Variants in PHF8 observed in about 807,000 individuals in gnomAD.
The protein encoded by PHF8 is histone lysine demethylase PHF8.
In PHF8, 9 loss-of-function variants were observed where a neutral mutation model predicts 74.4. The ratio of observed to expected loss-of-function variants is 0.12; its 90% CI spans 0.07 to 0.21. PHF8 has a LOEUF of 0.21. Ranked by LOEUF, PHF8 falls within the 10% of genes least tolerant of loss-of-function variation. PHF8 has a pLI of 1.00. For synonymous variants in PHF8, 311 were observed against 316.6 expected (o/e 0.98, Z 0.19); for missense variants, 478 against 816.6 (o/e 0.59, Z 5.05).
chrX:53,971,394 C>T (rs1169293448), intron 18 of PHF8, among the ~76,000 whole-genome samples: 1 of 110,736 alleles, frequency 9.0e-6, no homozygotes, highest in African/African-American at 3.3e-5. Flanking sequence ...AGAAAGATCT[C>T]AAAATTCACA....
At chrX:53,979,181 G>A (rs1230989291) in intron 18 of PHF8, among the ~76,000 whole-genome samples, 1 of 111,843 alleles carries the variant, frequency 8.9e-6, no homozygotes, top group African/African-American at 3.2e-5. Context: ...AGGAGTTTGA[G>A]ACCAGCCTGG....
At chrX:53,966,671 G>A (rs1240113194) in intron 18 of PHF8, among the ~76,000 whole-genome samples, 20 of 111,847 alleles carry the variant, frequency 1.8e-4, no homozygotes, top group East Asian at 8.5e-4. Flanking sequence ...AGGAAGTGAG[G>A]AGCGTCTCTG....
At chrX:54,027,073 C>T (rs1478104075) in intron 2 of PHF8, among the ~76,000 whole-genome samples, 2 of 111,535 alleles carry the variant, frequency 1.8e-5, no homozygotes, top group African/African-American at 6.5e-5. Context: ...TACTATCTTT[C>T]CTTCCTTCTA....
intron 19 of PHF8, among the ~76,000 whole-genome samples, chrX:53,955,557 CT>C (rs369969712): frequency 4.1e-5 from 3 of 72,980 alleles, no homozygotes; most frequent in African/African-American, 5.2e-5. Context: ...CTCTTCTTTT[CT>C]TTTTTTTTTT....
chrX:54,010,647 C>T (rs2065969907), intron 8 of PHF8, among the ~76,000 whole-genome samples: 2 of 111,183 alleles, frequency 1.8e-5, no homozygotes, highest in Admixed American at 1.9e-4. Flanking sequence ...GTAAAGATGT[C>T]AACTCTCCCC....
chrX:53,992,077 G>A (rs73210477), intron 14 of PHF8, among the ~76,000 whole-genome samples: 4,662 of 111,520 alleles, frequency 0.042, 87 homozygotes, highest in Non-Finnish European at 0.06. Flanking sequence ...TTTTCCATAC[G>A]TGCATACATA....
intron 16 of PHF8, 29 bp from the exon 17 acceptor site, chrX:53,985,978 C>T: frequency 8.3e-7 from 1 of 1,203,439 alleles, no homozygotes; most frequent in South Asian, 1.8e-5. Flanking sequence ...ATCACCTCAG[C>T]TGCCCAGGAT....
chrX:53,960,226 C>A (rs2149793475), intron 19 of PHF8, among the ~76,000 whole-genome samples: 1 of 107,500 alleles, frequency 9.3e-6, no homozygotes, highest in African/African-American at 3.4e-5. Context: ...CAGGCGCCTG[C>A]CACCACGCCC....
At chrX:53,976,278 C>CT (rs1380644974) in intron 18 of PHF8, among the ~76,000 whole-genome samples, 7 of 109,057 alleles carry the variant, frequency 6.4e-5, no homozygotes, top group African/African-American at 2.4e-4. Flanking sequence ...GCACTCCAGC[C>CT]TGGGTGACAG....
Position 54,016,740 on chromosome X carries a change from G to A in PHF8, c.455-4C>T. ...ACATCAATCTCTTTGTCAGAACCTGGAGTAAAGAGATAGGTTCTGCACCAA... is the reference window on the plus strand; with the variant it reads ...ACATCAATCTCTTTGTCAGAACCTGAAGTAAAGAGATAGGTTCTGCACCAA... On this transcript the variant is annotated splice_region_variant and splice_polypyrimidine_tract_variant and intron_variant, in intron 5 of 21. Transcript: ENST00000338154. 1 of 1,195,954 alleles carries A rather than the reference G, an allele frequency of 8.4e-7. No homozygotes were observed. Among genetic ancestry groups the A allele is most frequent in the Non-Finnish European group, 1.1e-6 (1 of 881,418 alleles).
intron 19 of PHF8, among the ~76,000 whole-genome samples, chrX:53,960,220 C>T (rs934273291): frequency 9.3e-6 from 1 of 107,426 alleles, no homozygotes; most frequent in Non-Finnish European, 1.9e-5. Context: ...GGACTACAGG[C>T]GCCTGCCACC....
At chrX:54,012,360 A>T (rs1367337768) in intron 7 of PHF8, among the ~76,000 whole-genome samples, 1 of 112,041 alleles carries the variant, frequency 8.9e-6, no homozygotes, top group Non-Finnish European at 1.9e-5. Context: ...AAAGAGTTAA[A>T]CCTAACATTT....
intron 10 of PHF8, among the ~76,000 whole-genome samples, chrX:54,000,869 T>TA (rs1557104041): frequency 8.9e-6 from 1 of 112,929 alleles, no homozygotes; most frequent in African/African-American, 3.2e-5. Context: ...CTTTTTATCT[T>TA]AACCAGCAGG....
At chrX:54,038,294 A>G (rs888741776) in intron 2 of PHF8, among the ~76,000 whole-genome samples, 9 of 112,388 alleles carry the variant, frequency 8.0e-5, no homozygotes, top group Non-Finnish European at 1.3e-4. Context: ...AAAAAGAATA[A>G]TATAAAAAGA....
chrX:54,003,113 TA>T (rs781877287), intron 8 of PHF8, among the ~76,000 whole-genome samples: 11 of 112,222 alleles, frequency 9.8e-5, no homozygotes, highest in African/African-American at 2.3e-4. Context: ...ACAGTTTTCA[TA>T]AAAAAAATTT....
At chrX:53,953,549 G>C (rs1377502119) in intron 19 of PHF8, among the ~76,000 whole-genome samples, 2 of 104,039 alleles carry the variant, frequency 1.9e-5, no homozygotes, top group Non-Finnish European at 3.9e-5. Flanking sequence ...GCTGAGGCAG[G>C]AAAAGAATTG....
chrX:54,002,955 A>C (rs1281355021), intron 8 of PHF8, among the ~76,000 whole-genome samples: 1 of 111,864 alleles, frequency 8.9e-6, no homozygotes, highest in African/African-American at 3.2e-5. Context: ...TATACAGTGG[A>C]GTTTTCCAGG....
rs1557102640 is a variant in PHF8, at chrX:53,995,737, C to T, written c.1279G>A (p.Val427Ile). Residue 427 changes from valine (V) to isoleucine (I), a missense_variant, in exon 12 of 22, where the codon GTA (valine) becomes ATA (isoleucine). Physicochemically the swap from Val to Ile is conservative, Grantham distance 29 (BLOSUM62 3). Transcript: ENST00000338154. ...CTGGCCAGATCTTTAATGAGCTGTA[C>T]GGTTCGCACTGTCTCCGGGATCTCA... is the stretch of plus-strand genomic sequence containing the variant. ...EDEIPETVRT[V>I]QLIKDLAREI... 4 of 1,200,428 alleles carry T rather than the reference C, an allele frequency of 3.3e-6. No homozygotes were observed. Among genetic ancestry groups the T allele is most frequent in the Admixed American group, 2.2e-5 (1 of 45,595 alleles).
intron 15 of PHF8, 94 bp downstream of exon 15, chrX:53,987,672 G>A (rs2065587494): frequency 1.5e-5 from 12 of 778,625 alleles, no homozygotes; most frequent in Non-Finnish European, 2.1e-5. Context: ...TCGTGCCATT[G>A]CACTCCAGCC....
Sources: gnomAD v4.1 joint callset for allele counts (sites outside exome capture counted in the v4.1 genomes callset) on GRCh38, gnomAD v4.1.1 for gene constraint, MANE v1.5 for transcripts, NCBI Gene and HGNC (gene_info 2026-07-23, HGNC 2026-07-21) for gene names.